C10orf143: variants seen among roughly 807,000 people sequenced by gnomAD.
C10orf143 encodes uncharacterized protein C10orf143.
chr10:130,042,193 T>C (rs905935359), intron 3 of C10orf143, among the ~76,000 whole-genome samples: 3 of 152,268 alleles, frequency 2.0e-5, no homozygotes, highest in African/African-American at 7.2e-5. Flanking sequence ...TACTTTCTGA[T>C]TCAGGGCTAG....
At chr10:130,057,438 G>A (rs547670312) in intron 3 of C10orf143, among the ~76,000 whole-genome samples, 10 of 152,236 alleles carry the variant, frequency 6.6e-5, no homozygotes, top group South Asian at 6.2e-4. Flanking sequence ...CCAAGATGCC[G>A]AAGACTTGAC....
chr10:130,050,395 C>A (rs1425727899), intron 3 of C10orf143, among the ~76,000 whole-genome samples: 3 of 152,320 alleles, frequency 2.0e-5, no homozygotes, highest in African/African-American at 7.2e-5. Flanking sequence ...CATGGCTGAA[C>A]AACAACAAAA....
chr10:130,042,089 C>G (rs1461421538), intron 3 of C10orf143, among the ~76,000 whole-genome samples: 5 of 152,210 alleles, frequency 3.3e-5, no homozygotes, highest in Non-Finnish European at 5.9e-5. Context: ...TATGAACACA[C>G]AGCTACACAT....
chr10:130,079,035 A>G (rs2134767026), intron 3 of C10orf143, among the ~76,000 whole-genome samples: 1 of 152,306 alleles, frequency 6.6e-6, no homozygotes. Flanking sequence ...TTATGCTAAT[A>G]TATACTTTAT....
At chr10:130,035,932 C>T (rs996934036) in exon 4 of C10orf143, 3 of 152,230 alleles carry the variant, frequency 2.0e-5, no homozygotes, top group African/African-American at 4.8e-5. Context: ...GCCCTCCTTT[C>T]CCGGCTTGCC....
intron 1 of C10orf143, among the ~76,000 whole-genome samples, chr10:130,098,419 T>C (rs752847): frequency 0.054 from 8,194 of 152,286 alleles, 718 homozygotes; most frequent in African/African-American, 0.19. Context: ...GTGATGATAA[T>C]GAAGGGTGAC....
intron 1 of C10orf143, among the ~76,000 whole-genome samples, chr10:130,082,664 A>G (rs1861228638): frequency 6.6e-6 from 1 of 152,178 alleles, no homozygotes; most frequent in Non-Finnish European, 1.5e-5. Flanking sequence ...GGCACACAGA[A>G]CTTTGAGTCC....
At chr10:130,106,935 C>G (rs1227052527) in intron 1 of C10orf143, 1 of 1,001,544 alleles carries the variant, frequency 1.0e-6, no homozygotes, top group East Asian at 2.4e-5. Flanking sequence ...AACAGTGAAT[C>G]AGAAGATGGT....
At chr10:130,073,090 C>T (rs1861057894) in intron 3 of C10orf143, among the ~76,000 whole-genome samples, 1 of 152,122 alleles carries the variant, frequency 6.6e-6, no homozygotes, top group Non-Finnish European at 1.5e-5. Context: ...TTTCTTGACC[C>T]CTCTTCTCAC....
intron 1 of C10orf143, chr10:130,108,060 A>C (rs764388190): frequency 5.4e-6 from 8 of 1,488,424 alleles, no homozygotes; most frequent in Non-Finnish European, 7.5e-6. Flanking sequence ...GGTAATTTAA[A>C]TATCCCTGAT....
At chr10:130,100,274 G>GT (rs1264940769) in intron 1 of C10orf143, among the ~76,000 whole-genome samples, 1 of 151,878 alleles carries the variant, frequency 6.6e-6, no homozygotes, top group Non-Finnish European at 1.5e-5. Flanking sequence ...GCTCACGCAT[G>GT]TAATTCCAGC....
intron 3 of C10orf143, among the ~76,000 whole-genome samples, chr10:130,049,437 G>C (rs558337025): frequency 6.6e-6 from 1 of 152,328 alleles, no homozygotes; most frequent in Non-Finnish European, 1.5e-5. Flanking sequence ...TGCCATCCAG[G>C]GTGGGACAAG....
chr10:130,098,074 A>G (rs1297581999), intron 1 of C10orf143, among the ~76,000 whole-genome samples: 1 of 152,024 alleles, frequency 6.6e-6, no homozygotes, highest in African/African-American at 2.4e-5. Flanking sequence ...TGTAATCCCA[A>G]CACTCTGGGA....
chr10:130,078,606 A>G (rs183023130), intron 3 of C10orf143, among the ~76,000 whole-genome samples: 1 of 152,314 alleles, frequency 6.6e-6, no homozygotes, highest in Admixed American at 6.5e-5. Context: ...TTACATACTA[A>G]ACTTTGTTTT....
At chr10:130,107,333 A>C (rs747765818) in intron 1 of C10orf143, 1 of 1,060,282 alleles carries the variant, frequency 9.4e-7, no homozygotes, top group Non-Finnish European at 1.5e-6. Flanking sequence ...GGAGACCTAC[A>C]GACAGCGAGC....
At chr10:130,087,391 A>G (rs1861307412) in intron 1 of C10orf143, among the ~76,000 whole-genome samples, 1 of 152,246 alleles carries the variant, frequency 6.6e-6, no homozygotes. Context: ...TTACATAACA[A>G]TAACTAGAAT....
At chr10:130,043,140 C>A (rs1418528862) in intron 3 of C10orf143, among the ~76,000 whole-genome samples, 1 of 152,098 alleles carries the variant, frequency 6.6e-6, no homozygotes, top group Non-Finnish European at 1.5e-5. Context: ...AGTTAAGCAG[C>A]TGATATAATT....
chr10:130,086,529 C>A (rs1364790869), intron 1 of C10orf143, among the ~76,000 whole-genome samples: 1 of 152,154 alleles, frequency 6.6e-6, no homozygotes, highest in Non-Finnish European at 1.5e-5. Context: ...GAACTAAGAC[C>A]AAGGCTTTCA....
chr10:130,097,921 C>T (rs1263954107), intron 1 of C10orf143, among the ~76,000 whole-genome samples: 2 of 151,812 alleles, frequency 1.3e-5, no homozygotes, highest in African/African-American at 4.8e-5. Flanking sequence ...GAGTGACTAC[C>T]AATGGCCAGA....
Sources: gnomAD v4.1 joint callset for allele counts (sites outside exome capture counted in the v4.1 genomes callset) on GRCh38, gnomAD v4.1.1 for gene constraint, MANE v1.5 for transcripts, NCBI Gene and HGNC (gene_info 2026-07-23, HGNC 2026-07-21) for gene names.